The following PPARGC1B variants were observed in gnomAD, a reference collection of about 807,000 sequenced individuals.
PPARGC1B encodes peroxisome proliferator-activated receptor gamma coactivator 1-beta.
In PPARGC1B, 34 loss-of-function variants were observed where a neutral mutation model predicts 101.6. That is an observed-to-expected ratio of 0.33 (90% CI 0.25 to 0.45). The LOEUF (loss-of-function observed/expected upper bound fraction) is 0.45. Among genes scored for constraint, PPARGC1B ranks in the 20% least tolerant of loss-of-function variants. PPARGC1B has a pLI of 1.00. For missense variants in PPARGC1B, 1,234 were observed against 1,317.6 expected, an observed-to-expected ratio of 0.94 and a Z score of 0.98; for synonymous variants, 548 against 539.3, an observed-to-expected ratio of 1.02 and a Z score of -0.22.
chr5:149,734,321 CAAAAAAA>C (rs1221455764), intron 1 of PPARGC1B, among the ~76,000 whole-genome samples: 2 of 64,506 alleles, frequency 3.1e-5, no homozygotes, highest in Non-Finnish European at 2.8e-5. Context: ...AACTCATTCT[CAAAAAAA>C]AAAAAAAAAA....
At chr5:149,817,768 G>GC (rs926296822) in intron 1 of PPARGC1B, 14 of 456,596 alleles carry the variant, frequency 3.1e-5, no homozygotes, top group Middle Eastern at 3.2e-4. Context: ...CAGCTGATGG[G>GC]AGTGTACAAA....
intron 1 of PPARGC1B, among the ~76,000 whole-genome samples, chr5:149,794,114 T>C (rs905629969): frequency 6.6e-6 from 1 of 152,308 alleles, no homozygotes; most frequent in Non-Finnish European, 1.5e-5. Context: ...GTTGGCTCTT[T>C]ACAGAAGAAG....
intron 2 of PPARGC1B, among the ~76,000 whole-genome samples, chr5:149,821,702 C>A (rs139011363): frequency 1.6e-4 from 25 of 152,254 alleles, no homozygotes; most frequent in African/African-American, 6.0e-4. Context: ...CTTTTAGAAA[C>A]GTTTACCAAG....
intron 1 of PPARGC1B, among the ~76,000 whole-genome samples, chr5:149,731,639 GGAGA>G (rs1375805743): frequency 6.6e-6 from 1 of 152,152 alleles, no homozygotes; most frequent in East Asian, 1.9e-4. Context: ...GGAGGTGGGA[GGAGA>G]GAGAGGGAAA....
intron 1 of PPARGC1B, among the ~76,000 whole-genome samples, chr5:149,802,100 T>C (rs1024407680): frequency 6.6e-6 from 1 of 152,140 alleles, no homozygotes; most frequent in African/African-American, 2.4e-5. Flanking sequence ...GGATAAGTGT[T>C]CTCCAGTTCA....
intron 1 of PPARGC1B, among the ~76,000 whole-genome samples, chr5:149,742,607 A>G (rs745389760): frequency 1.2e-4 from 18 of 152,202 alleles, no homozygotes; most frequent in Non-Finnish European, 2.1e-4. Flanking sequence ...TAAAAGAGCC[A>G]ACACTTAGAG....
At chr5:149,794,524 G>GCACACACA (rs35484083) in intron 1 of PPARGC1B, among the ~76,000 whole-genome samples, 12,093 of 143,560 alleles carry the variant, frequency 0.084, 544 homozygotes, top group East Asian at 0.23. Flanking sequence ...ATGTGAGCGT[G>GCACACACA]CACACACACA....
At position 149,735,402 on chromosome 5, in the gene PPARGC1B, T is replaced by C. The variant is rs115862357; in HGVS notation, c.78+4982T>C. ...CCTCTTCCTTCTTCCTCTGGAATAA[T>C]AGAAGAAAGACTGGCTCGAGTGAGA... On this transcript the variant is annotated intron_variant, in intron 1 of 11. Coordinates refer to ENST00000309241, the MANE Select transcript of PPARGC1B (RefSeq NM_133263.4). Among the ~76,000 whole-genome samples the C allele has an allele frequency of 2.1e-3, 315 of 152,286 alleles. 1 individual carries two copies. Among genetic ancestry groups the C allele is most frequent in the African/African-American group, 7.0e-3 (289 of 41,558 alleles).
chr5:149,821,755 G>C (rs150071219), intron 2 of PPARGC1B, among the ~76,000 whole-genome samples: 1 of 152,160 alleles, frequency 6.6e-6, no homozygotes, highest in African/African-American at 2.4e-5. Context: ...GGACTTTACC[G>C]TCTGTAAACA....
rs75149494 is a variant in PPARGC1B, at chr5:149,747,423, C to A, written c.78+17003C>A. On this transcript the variant is annotated intron_variant, in intron 1 of 11. Transcript: ENST00000309241. ...TGTCAGGAGAAAAATACTTTTAGCA[C>A]CATTCTTCACGTGAGCCTGATGCTC... 1.1e-3 allele frequency among the ~76,000 whole-genome samples: 160 copies of A among 152,344 alleles called. 3 individuals are homozygous for A. The East Asian group carries it at 0.028, about 26-fold the overall frequency.
chr5:149,730,448 G>A lies in PPARGC1B; in HGVS notation c.78+28G>A. ...ACGGCCGGCTGGGGCTGCGGGCCCG[G>A]GGCCAGGGGTGCTGAGCTGCGGGGG... On this transcript the variant is annotated intron_variant, in intron 1 of 11. Transcript: ENST00000309241. The surrounding 1 kb of genome is among the most constrained non-coding windows in gnomAD (Gnocchi z 4.0). 2.0e-6 allele frequency: 3 copies of A among 1,517,460 alleles called. No homozygotes were observed. Among genetic ancestry groups the A allele is most frequent in the Non-Finnish European group, 2.7e-6 (3 of 1,130,738 alleles). The allele number at this position is 1,517,460 out of a possible 1,614,324, so 94.0% of individuals were successfully genotyped here.
At chr5:149,856,855 C>T (rs1759966835), downstream of PPARGC1B, among the ~76,000 whole-genome samples, 1 of 150,256 alleles carries the variant, frequency 6.7e-6, no homozygotes, top group African/African-American at 2.5e-5. Context: ...ACTGGAACCT[C>T]TGCCTCCTGG....
intron 1 of PPARGC1B, among the ~76,000 whole-genome samples, chr5:149,779,866 T>C (rs1756529784): frequency 6.6e-6 from 1 of 152,186 alleles, no homozygotes; most frequent in Non-Finnish European, 1.5e-5. Flanking sequence ...AGAGGCTTAG[T>C]GCTCCATGAT....
chr5:149,755,046 C>CATATATATATATATATAT lies in PPARGC1B; in HGVS notation c.78+24631_78+24632insTATATATATATATATATA, dbSNP rs1385735590. Among the ~76,000 whole-genome samples, 105 of 105,530 alleles carry CATATATATATATATATAT rather than the reference C, an allele frequency of 9.9e-4. 1 individual carries two copies. The highest frequency in any genetic ancestry group is 3.9e-3 in the African/African-American group (97 of 24,894). 69.2% of individuals were successfully genotyped at this position (105,530 alleles called of 152,430 possible). A position where few individuals can be genotyped will look rare whatever the true frequency, so the allele number is the denominator to read the frequency against. Reference sequence around the variant, plus strand: ...CACATATACACTACATATACATATACATATACATATATATATATATATATA... The same window carrying CATATATATATATATATAT: ...CACATATACACTACATATACATATACATATATATATATATATATATATACATATATATATATATATATA... On this transcript the variant is annotated intron_variant, in intron 1 of 11. Coordinates refer to ENST00000309241, the MANE Select transcript of PPARGC1B (RefSeq NM_133263.4).
At chr5:149,809,539 C>A (rs950572983) in intron 1 of PPARGC1B, among the ~76,000 whole-genome samples, 10 of 149,668 alleles carry the variant, frequency 6.7e-5, no homozygotes, top group Admixed American at 6.0e-4. Flanking sequence ...AGCAAGCAAG[C>A]AAGCTGGGAG....
chr5:149,836,382 T>C lies in PPARGC1B; in HGVS notation c.1927T>C (p.Ser643Pro). 3 of 1,614,010 alleles carry C rather than the reference T, an allele frequency of 1.9e-6. No homozygotes were observed. Among genetic ancestry groups the C allele is most frequent in the South Asian group, 2.2e-5 (2 of 91,074 alleles). ...CAGCCTCCCCTCCCCTGAGGGCCTCTCACTCAAGGCCACCCCAGGGGCTGC... is the reference window on the plus strand; with the variant it reads ...CAGCCTCCCCTCCCCTGAGGGCCTCCCACTCAAGGCCACCCCAGGGGCTGC... Reference protein sequence around the residue: ...ALSLPSPEGLSLKATPGAAHK... With the variant: ...ALSLPSPEGLPLKATPGAAHK... Residue 643 changes from serine to proline, a missense_variant, in exon 8 of 12, where the codon TCA becomes CCA. Coordinates refer to ENST00000309241, the MANE Select transcript of PPARGC1B (RefSeq NM_133263.4).
At chr5:149,732,666 A>G (rs370951566) in intron 1 of PPARGC1B, among the ~76,000 whole-genome samples, 1 of 152,124 alleles carries the variant, frequency 6.6e-6, no homozygotes, top group Non-Finnish European at 1.5e-5. Context: ...AATTGATAGG[A>G]TGAGCTTTGA....
In PPARGC1B at chr5:149,845,569, A is replaced by G. The variant is rs148649159; in HGVS notation, c.2817-191A>G. 1.7e-5 allele frequency: 10 copies of G among 590,846 alleles called. No individual in the cohort carries two copies. In the East Asian group the frequency reaches 2.0e-4, roughly 12 times the overall value. The allele number at this position is 590,846 out of a possible 1,614,324, so 36.6% of individuals were successfully genotyped here. Reference sequence around the variant, plus strand: ...ATGGCCAACACCTGGCAGACATTCAACATATTAGCTGCTTTCATTATTACC... The same window carrying G: ...ATGGCCAACACCTGGCAGACATTCAGCATATTAGCTGCTTTCATTATTACC... On this transcript the variant is annotated intron_variant, in intron 10 of 11. Coordinates refer to ENST00000309241, the MANE Select transcript of PPARGC1B (RefSeq NM_133263.4).
chr5:149,804,722 T>C (rs1208962200), intron 1 of PPARGC1B, among the ~76,000 whole-genome samples: 1 of 151,858 alleles, frequency 6.6e-6, no homozygotes, highest in Non-Finnish European at 1.5e-5. Context: ...AGTGGAAGGA[T>C]TGGAGTGTTG....
Sources: gnomAD v4.1 joint callset for allele counts (sites outside exome capture counted in the v4.1 genomes callset) on GRCh38, gnomAD v4.1.1 for gene constraint, Gnocchi (gnomAD v3.1) non-coding constraint, MANE v1.5 for transcripts, NCBI Gene and HGNC (gene_info 2026-07-23, HGNC 2026-07-21) for gene names.